The following TCERG1L variants were observed in gnomAD, a reference collection of about 807,000 sequenced individuals.
TCERG1L encodes the protein transcription elongation regulator 1 like.
In TCERG1L, 37 loss-of-function variants were observed where a neutral mutation model predicts 56.3. That is an observed-to-expected ratio of 0.66 (90% CI 0.51 to 0.87). The LOEUF (loss-of-function observed/expected upper bound fraction) is 0.87. Among genes scored for constraint, TCERG1L ranks in the 40% least tolerant of loss-of-function variants. The probability of loss-of-function intolerance (pLI) is 0.00; values close to 1 mark genes in which losing one functional copy is unlikely to be tolerated. For synonymous variants in TCERG1L, 324 were observed against 326.3 expected, an observed-to-expected ratio of 0.99 and a Z score of 0.08; for missense variants, 799 against 774.2, an observed-to-expected ratio of 1.03 and a Z score of -0.38.
At chr10:131,203,143 C>T (rs537136417) in intron 4 of TCERG1L, among the ~76,000 whole-genome samples, 2 of 152,286 alleles carry the variant, frequency 1.3e-5, no homozygotes, top group South Asian at 2.1e-4. Context: ...ACAGCAGTGA[C>T]GCCTTCTCAG....
At chr10:131,173,931 C>G (rs1340091454) in intron 4 of TCERG1L, among the ~76,000 whole-genome samples, 3 of 152,170 alleles carry the variant, frequency 2.0e-5, no homozygotes, top group Admixed American at 2.0e-4. Context: ...CAGAGCTCCC[C>G]CTGGCAGCTC....
intron 8 of TCERG1L, among the ~76,000 whole-genome samples, chr10:131,119,217 T>A (rs578179000): frequency 3.3e-5 from 5 of 152,338 alleles, no homozygotes; most frequent in Non-Finnish European, 5.9e-5. Context: ...TAGGATGTAC[T>A]GAGAATATGC....
chr10:131,200,563 G>A (rs1845420524), intron 4 of TCERG1L, among the ~76,000 whole-genome samples: 1 of 152,176 alleles, frequency 6.6e-6, no homozygotes, highest in Admixed American at 6.5e-5. Context: ...ATTGTATTTT[G>A]GAATCGGATG....
chr10:131,231,493 G>A (rs1194540921), intron 4 of TCERG1L, among the ~76,000 whole-genome samples: 1 of 152,138 alleles, frequency 6.6e-6, no homozygotes, highest in African/African-American at 2.4e-5. Flanking sequence ...CAGCTGCCGT[G>A]GCACTGCCTG....
At position 131,210,656 on chromosome 10, in the gene TCERG1L, C is replaced by A. The variant is rs149425690; in HGVS notation, c.857-43771G>T. Among the ~76,000 whole-genome samples the A allele has an allele frequency of 2.6e-3, 397 of 152,214 alleles. 2 individuals carry two copies. Among genetic ancestry groups the A allele is most frequent in the African/African-American group, 9.1e-3 (377 of 41,526 alleles). On this transcript the variant is annotated intron_variant, in intron 4 of 11. Transcript: ENST00000368642. Reference sequence around the variant, plus strand: ...GCATGTCTTGAGCTGTCCCGCAGGCCCGCCCTACTGGATTCAGCCCTCATC... The same window carrying A: ...GCATGTCTTGAGCTGTCCCGCAGGCACGCCCTACTGGATTCAGCCCTCATC...
At chr10:131,132,509 C>G (rs1043017813) in intron 8 of TCERG1L, among the ~76,000 whole-genome samples, 5 of 152,340 alleles carry the variant, frequency 3.3e-5, no homozygotes, top group Admixed American at 1.3e-4. Context: ...GGCGGACAGC[C>G]CAGCTGCTTC....
At chr10:131,258,688 T>C (rs1160838394) in intron 4 of TCERG1L, among the ~76,000 whole-genome samples, 1 of 152,226 alleles carries the variant, frequency 6.6e-6, no homozygotes, top group African/African-American at 2.4e-5. Context: ...TCAGGCCATT[T>C]TTCCAGTTAT....
intron 3 of TCERG1L, among the ~76,000 whole-genome samples, chr10:131,292,556 T>C (rs1259524474): frequency 2.0e-5 from 3 of 152,240 alleles, no homozygotes; most frequent in Admixed American, 6.5e-5. Flanking sequence ...AACTTCTATT[T>C]ACAGTTTCAC....
chr10:131,273,643 C>CAGGGCGG (rs1332175750), intron 3 of TCERG1L, among the ~76,000 whole-genome samples: 1 of 152,154 alleles, frequency 6.6e-6, no homozygotes, highest in African/African-American at 2.4e-5. Context: ...GAGGAGGCTC[C>CAGGGCGG]AGGGCGGAGG....
chr10:131,239,889 G>A (rs1412331619), intron 4 of TCERG1L, among the ~76,000 whole-genome samples: 2 of 152,194 alleles, frequency 1.3e-5, no homozygotes, highest in Non-Finnish European at 2.9e-5. Flanking sequence ...CCCTAGAAAG[G>A]GTGCGGTGTC....
chr10:131,131,045 T>C (rs748430475), intron 8 of TCERG1L, among the ~76,000 whole-genome samples: 2 of 152,220 alleles, frequency 1.3e-5, no homozygotes, highest in Non-Finnish European at 2.9e-5. Context: ...CAAGCTACAC[T>C]GTGCATTTCA....
At chr10:131,180,170 T>A (rs888273036) in intron 4 of TCERG1L, among the ~76,000 whole-genome samples, 1 of 151,694 alleles carries the variant, frequency 6.6e-6, no homozygotes, top group South Asian at 2.1e-4. Context: ...ACCCCAAGGA[T>A]GGGTAGGGAT....
intron 4 of TCERG1L, among the ~76,000 whole-genome samples, chr10:131,212,246 G>GC (rs1213928942): frequency 3.3e-5 from 5 of 152,180 alleles, no homozygotes; most frequent in African/African-American, 1.2e-4. Flanking sequence ...CTCTCCCACT[G>GC]CCTTCAGGCC....
rs1213969103 is a variant in TCERG1L, at chr10:131,267,408, A to G, written c.671-6964T>C. ...AAGCCCTGAGAGCATCGGGAGGCCCAGGCCCACAGCTGCAACCTGGGTGGC... is the reference window on the plus strand; with the variant it reads ...AAGCCCTGAGAGCATCGGGAGGCCCGGGCCCACAGCTGCAACCTGGGTGGC... On this transcript the variant is annotated intron_variant, in intron 3 of 11. Coordinates refer to ENST00000368642, the MANE Select transcript of TCERG1L (RefSeq NM_174937.4). The surrounding 1 kb of genome is among the most constrained non-coding windows in gnomAD (Gnocchi z 4.9). Among the ~76,000 whole-genome samples, 1 of 152,224 alleles carries G rather than the reference A, an allele frequency of 6.6e-6. No homozygotes were observed. Among genetic ancestry groups the G allele is most frequent in the Admixed American group, 6.5e-5 (1 of 15,290 alleles).
At chr10:131,305,525 C>A (rs1035400885) in intron 3 of TCERG1L, among the ~76,000 whole-genome samples, 2 of 152,074 alleles carry the variant, frequency 1.3e-5, no homozygotes, top group South Asian at 4.1e-4. Flanking sequence ...TTCAAACAAA[C>A]CTGCCTTCTG....
chr10:131,287,682 A>G (rs1256289602), intron 3 of TCERG1L, among the ~76,000 whole-genome samples: 1 of 152,196 alleles, frequency 6.6e-6, no homozygotes, highest in Non-Finnish European at 1.5e-5. Flanking sequence ...GGGCTTACTC[A>G]GGGAGCATCT....
chr10:131,182,763 T>C (rs766824992), intron 4 of TCERG1L, among the ~76,000 whole-genome samples: 17 of 152,358 alleles, frequency 1.1e-4, no homozygotes, highest in Non-Finnish European at 2.1e-4. Context: ...AACTGATTTA[T>C]TTTCACATTT....
At chr10:131,249,499 G>T (rs1180621686) in intron 4 of TCERG1L, among the ~76,000 whole-genome samples, 1 of 152,218 alleles carries the variant, frequency 6.6e-6, no homozygotes, top group African/African-American at 2.4e-5. Context: ...CAGCATCCCT[G>T]AGTCCCTGGA....
chr10:131,238,352 A>G (rs1845936366), intron 4 of TCERG1L, among the ~76,000 whole-genome samples: 1 of 152,166 alleles, frequency 6.6e-6, no homozygotes, highest in Non-Finnish European at 1.5e-5. Flanking sequence ...AGAAGTCCTG[A>G]CGGAGGAGGT....
Sources: gnomAD v4.1 joint callset for allele counts (sites outside exome capture counted in the v4.1 genomes callset) on GRCh38, gnomAD v4.1.1 for gene constraint, Gnocchi (gnomAD v3.1) non-coding constraint, MANE v1.5 for transcripts, NCBI Gene and HGNC (gene_info 2026-07-23, HGNC 2026-07-21) for gene names.